PLXNA2: variants seen among roughly 807,000 people sequenced by gnomAD.
PLXNA2 encodes plexin A2.
In PLXNA2, 91 loss-of-function variants were observed where a neutral mutation model predicts 193.5. That is an observed-to-expected ratio of 0.47 (90% confidence interval 0.40 to 0.56). The LOEUF is 0.56. PLXNA2 is among the 20% of genes least tolerant of loss of function. PLXNA2 has a pLI of 0.00. For missense variants in PLXNA2, 1,995 were observed against 2,503.2 expected (o/e 0.80, Z 4.33); for synonymous variants, 997 against 1,027.3 (o/e 0.97, Z 0.56).
intron 1 of PLXNA2, among the ~76,000 whole-genome samples, chr1:208,227,860 T>G (rs1671562413): frequency 6.6e-6 from 1 of 152,204 alleles, no homozygotes; most frequent in South Asian, 2.1e-4. Flanking sequence ...GAGAGCAAGC[T>G]TAAAAAGTAC....
chr1:208,184,589 A>T lies in PLXNA2; in HGVS notation c.1371+25691T>A, dbSNP rs144285514. On this transcript the variant is annotated intron_variant, in intron 3 of 31. Coordinates refer to ENST00000367033, the MANE Select transcript of PLXNA2 (RefSeq NM_025179.4). ...GGGATGAAGCAAGCAGTTATGCTTC[A>T]GTCAATCTTGAAAGCTGTTGACATG... Among the ~76,000 whole-genome samples, 178 of 152,264 alleles carry T rather than the reference A, an allele frequency of 1.2e-3. 3 individuals carry two copies. The highest frequency in any genetic ancestry group is 4.0e-4 in the Non-Finnish European group (27 of 68,024).
intron 4 of PLXNA2, among the ~76,000 whole-genome samples, chr1:208,113,212 G>A (rs747495749): frequency 1.1e-4 from 16 of 152,146 alleles, no homozygotes; most frequent in Admixed American, 6.5e-5. Flanking sequence ...TCCTTATAGG[G>A]TCCACATTGA....
intron 4 of PLXNA2, among the ~76,000 whole-genome samples, chr1:208,106,802 A>G (rs1667283984): frequency 6.6e-6 from 1 of 152,196 alleles, no homozygotes; most frequent in Non-Finnish European, 1.5e-5. Flanking sequence ...TGTGGCTCAT[A>G]TTTTATTTCT....
In PLXNA2 at chr1:208,142,459, C is replaced by T. The variant is rs1435900172; in HGVS notation, c.1376G>A (p.Arg459Gln). ...CCCACCATGGGGGGGACCGTCGGCC[C>T]GAATCTGTATGAGAAACAAGGGTGT... is the stretch of plus-strand genomic sequence containing the variant. ...GTKSGKLKKIRADGPPHGGVQ... is the reference protein window; with the variant it reads ...GTKSGKLKKIQADGPPHGGVQ... The change falls in exon 4 of 32, where the codon CGG (arginine) becomes CAG (glutamine). Residue 459 changes from arginine to glutamine, a missense_variant. By Grantham distance (43) the Arg-to-Gln change is conservative. Around this residue, in one of 3 missense-constraint regions of PLXNA2, gnomAD observed 702 missense variants for 812.9 expected, o/e 0.86. Transcript: ENST00000367033. 12 of 1,604,962 alleles carry T rather than the reference C, an allele frequency of 7.5e-6. No individual in the cohort carries two copies. The highest frequency in any genetic ancestry group is 4.5e-5 in the East Asian group (2 of 44,818).
At chr1:208,171,458 A>C (rs1669492421) in intron 3 of PLXNA2, among the ~76,000 whole-genome samples, 2 of 152,226 alleles carry the variant, frequency 1.3e-5, no homozygotes, top group South Asian at 4.1e-4. Context: ...CAGAAGGAAA[A>C]TGGGGGCAGT....
At chr1:208,061,408 TGA>T (rs1297471800) in intron 12 of PLXNA2, among the ~76,000 whole-genome samples, 1 of 151,978 alleles carries the variant, frequency 6.6e-6, no homozygotes, top group Non-Finnish European at 1.5e-5. Flanking sequence ...GAGTCGAGGA[TGA>T]GATAAAGGCA....
At chr1:208,040,694 G>A (rs989753928) in intron 22 of PLXNA2, among the ~76,000 whole-genome samples, 7 of 152,228 alleles carry the variant, frequency 4.6e-5, no homozygotes, top group Admixed American at 3.3e-4. Context: ...GTTAATATTT[G>A]TAAAGTGCTA....
At chr1:208,050,147 C>A (rs1400195514) in intron 17 of PLXNA2, among the ~76,000 whole-genome samples, 1 of 152,234 alleles carries the variant, frequency 6.6e-6, no homozygotes, top group Non-Finnish European at 1.5e-5. Flanking sequence ...CCAAACTTAT[C>A]ATCTTAGCAA....
intron 3 of PLXNA2, among the ~76,000 whole-genome samples, chr1:208,163,492 A>T (rs1003327445): frequency 2.0e-5 from 3 of 152,032 alleles, no homozygotes; most frequent in African/African-American, 7.3e-5. Flanking sequence ...GGAGTTAGAG[A>T]GCTCACCTTT....
chr1:208,167,111 C>T (rs770689548), intron 3 of PLXNA2, among the ~76,000 whole-genome samples: 1 of 152,188 alleles, frequency 6.6e-6, no homozygotes, highest in Non-Finnish European at 1.5e-5. Flanking sequence ...TGTATGATTT[C>T]CAAGCTTCAC....
intron 13 of PLXNA2, among the ~76,000 whole-genome samples, chr1:208,056,084 G>A (rs1665423118): frequency 1.3e-5 from 2 of 152,208 alleles, no homozygotes; most frequent in African/African-American, 4.8e-5. Context: ...TCAATTTAAG[G>A]TACTGTGTGG....
intron 28 of PLXNA2, among the ~76,000 whole-genome samples, chr1:208,032,909 C>T (rs1344772641): frequency 6.6e-6 from 1 of 152,192 alleles, no homozygotes; most frequent in Non-Finnish European, 1.5e-5. Flanking sequence ...TGAAGTGAAA[C>T]AGTAGTCTCA....
chr1:208,163,548 C>T (rs1669202354), intron 3 of PLXNA2, among the ~76,000 whole-genome samples: 1 of 152,180 alleles, frequency 6.6e-6, no homozygotes, highest in South Asian at 2.1e-4. Context: ...CCCCAAGGGG[C>T]ATGGGGTAGG....
At chr1:208,159,522 C>G (rs1669041948) in intron 3 of PLXNA2, among the ~76,000 whole-genome samples, 1 of 152,186 alleles carries the variant, frequency 6.6e-6, no homozygotes, top group Non-Finnish European at 1.5e-5. Flanking sequence ...TCTTGAGAGT[C>G]TGGGCATTTA....
Position 208,051,485 on chromosome 1 carries a change from G to A in PLXNA2, c.2994-62C>T, listed in dbSNP as rs114192415. 6.2e-3 allele frequency: 8,718 copies of A among 1,406,682 alleles called. 27 individuals carry two copies. Among genetic ancestry groups the A allele is most frequent in the Non-Finnish European group, 7.7e-3 (7,800 of 1,017,996 alleles). 87.1% of individuals were successfully genotyped at this position (1,406,682 alleles called of 1,614,324 possible). A position where few individuals can be genotyped will look rare whatever the true frequency, so the allele number is the denominator to read the frequency against. On this transcript the variant is annotated intron_variant, in intron 15 of 31. Transcript: ENST00000367033. The stretch of plus-strand genomic sequence containing the variant: ...CATGGGCAACAAGAGGTGCCCACTG[G>A]CTTGACAAGGGGCTTTCCTTGGTCT...
intron 3 of PLXNA2, among the ~76,000 whole-genome samples, chr1:208,146,057 G>T (rs1277328035): frequency 2.0e-5 from 3 of 152,168 alleles, no homozygotes; most frequent in Non-Finnish European, 4.4e-5. Context: ...GGGCCAGGAG[G>T]CCAGGTCAAG....
chr1:208,219,723 C>A (rs1390341747), intron 1 of PLXNA2, among the ~76,000 whole-genome samples: 2 of 152,176 alleles, frequency 1.3e-5, no homozygotes, highest in Non-Finnish European at 2.9e-5. Flanking sequence ...GTAGGTCCCA[C>A]CTAACTCCCT....
chr1:208,119,195 C>T (rs901852577), intron 4 of PLXNA2, among the ~76,000 whole-genome samples: 5 of 152,042 alleles, frequency 3.3e-5, no homozygotes, highest in Admixed American at 3.3e-4. Flanking sequence ...GAGTACGAGG[C>T]TGAAAGGTGA....
chr1:208,048,376 C>G (rs1423425364), intron 17 of PLXNA2, among the ~76,000 whole-genome samples: 1 of 152,166 alleles, frequency 6.6e-6, no homozygotes, highest in East Asian at 1.9e-4. Context: ...TTCCTGAAAG[C>G]AGAAGCACAG....
Sources: allele counts gnomAD v4.1 joint callset (sites outside exome capture counted in the v4.1 genomes callset), GRCh38; gene constraint gnomAD v4.1.1; regional missense constraint gnomAD v4.1.1; transcripts MANE v1.5; gene names NCBI Gene and HGNC (gene_info 2026-07-23, HGNC 2026-07-21).